PRDM2: variants seen among roughly 807,000 people sequenced by gnomAD.
The protein encoded by PRDM2 is PR domain zinc finger protein 2.
Under a neutral mutation model 130.0 loss-of-function variants are expected in PRDM2, and 30 were observed. That is an observed-to-expected ratio of 0.23 (90% CI 0.17 to 0.31). The LOEUF (loss-of-function observed/expected upper bound fraction) is 0.31, where lower values mean the gene tolerates loss of function less well. Among genes scored for constraint, PRDM2 ranks in the 10% least tolerant of loss-of-function variants. PRDM2 has a pLI of 1.00. For synonymous variants in PRDM2, 871 were observed against 782.4 expected (o/e 1.11, Z -1.89); for missense variants, 2,011 against 2,108.4 (o/e 0.95, Z 0.90).
rs78791972 is a variant in PRDM2 at position 13,753,676 on chromosome 1, T to C, written c.511+4189T>C. Among the ~76,000 whole-genome samples the C allele has an allele frequency of 2.1e-3, 323 of 152,284 alleles. 5 individuals carry two copies. In the East Asian group the frequency reaches 0.052, roughly 25 times the overall value. ...CGGATGGTATAGGCAGTAAGGACTA[T>C]TGACCCTCCCTAAGAGAAGGAAAAA... On this transcript the variant is annotated intron_variant, in intron 6 of 9. Coordinates refer to ENST00000311066, the MANE Select transcript of PRDM2 (RefSeq NM_001393986.1).
intron 4 of PRDM2, among the ~76,000 whole-genome samples, chr1:13,733,324 C>T (rs544851849): frequency 6.6e-6 from 1 of 152,304 alleles, no homozygotes; most frequent in Non-Finnish European, 1.5e-5. Flanking sequence ...GCATATGGCA[C>T]ATATATAGAG....
intron 6 of PRDM2, among the ~76,000 whole-genome samples, chr1:13,766,669 C>A (rs931875466): frequency 2.0e-5 from 3 of 152,208 alleles, no homozygotes; most frequent in African/African-American, 4.8e-5. Flanking sequence ...TGCTTTGGAA[C>A]CAACTGTGAA....
At chr1:13,744,138 A>T (rs1643533285) in intron 5 of PRDM2, among the ~76,000 whole-genome samples, 1 of 152,232 alleles carries the variant, frequency 6.6e-6, no homozygotes, top group African/African-American at 2.4e-5. Flanking sequence ...CCTTCATTGT[A>T]CTTCAAGTTA....
At chr1:13,748,073 T>C (rs2495013) in intron 5 of PRDM2, among the ~76,000 whole-genome samples, 6,809 of 152,354 alleles carry the variant, frequency 0.045, 240 homozygotes, top group African/African-American at 0.1. Context: ...GCTTCTCTTA[T>C]GGTTTCATCA....
At chr1:13,709,933 A>G (rs2100395200) in intron 1 of PRDM2, among the ~76,000 whole-genome samples, 1 of 152,346 alleles carries the variant, frequency 6.6e-6, no homozygotes, top group East Asian at 1.9e-4. Context: ...CCTCCCTGCC[A>G]GAGATCTAAA....
At chr1:13,770,504 G>A (rs1411270476) in intron 6 of PRDM2, among the ~76,000 whole-genome samples, 2 of 152,060 alleles carry the variant, frequency 1.3e-5, no homozygotes, top group African/African-American at 2.4e-5. Context: ...CACTTGGGAG[G>A]TTGTAGAAAA....
chr1:13,763,812 A>G (rs1179548219), intron 6 of PRDM2, among the ~76,000 whole-genome samples: 1 of 152,140 alleles, frequency 6.6e-6, no homozygotes, highest in Admixed American at 6.5e-5. Context: ...TACCCTTATC[A>G]ATACTCTCTC....
chr1:13,786,429 C>G, intron 8 of PRDM2: 2 of 1,527,998 alleles, frequency 1.3e-6, no homozygotes, highest in Non-Finnish European at 1.8e-6. Context: ...ATTTGTCTTA[C>G]GGTCTATTCA....
chr1:13,792,695 G>A (rs1644859257), intron 8 of PRDM2, among the ~76,000 whole-genome samples: 1 of 152,220 alleles, frequency 6.6e-6, no homozygotes. Flanking sequence ...TAGATCTGAA[G>A]GACTTTGTCC....
chr1:13,773,258 T>G, intron 7 of PRDM2, 70 bp downstream of exon 7: 1 of 903,490 alleles, frequency 1.1e-6, no homozygotes, highest in Non-Finnish European at 1.6e-6. Context: ...TTTGTATCTC[T>G]TTATATTGTC....
intron 2 of PRDM2, among the ~76,000 whole-genome samples, chr1:13,726,590 A>G (rs1030412738): frequency 1.3e-5 from 2 of 152,218 alleles, no homozygotes; most frequent in African/African-American, 2.4e-5. Context: ...AGAAGCGGGT[A>G]GTGACTTTCT....
chr1:13,820,644 C>T (rs747176086), intron 9 of PRDM2, among the ~76,000 whole-genome samples: 1 of 152,196 alleles, frequency 6.6e-6, no homozygotes, highest in Non-Finnish European at 1.5e-5. Context: ...TTCTGACATG[C>T]GCTCCCTCCT....
chr1:13,772,934 A>G, intron 6 of PRDM2, 144 bp from the exon 7 acceptor site: 2 of 509,364 alleles, frequency 3.9e-6, no homozygotes, highest in Non-Finnish European at 6.9e-6. Context: ...TTAGGAATCC[A>G]AAGTGGTAAT....
In PRDM2 at chr1:13,803,248, T is replaced by C. The variant is rs1263219610; in HGVS notation, c.5037-13179T>C. On this transcript the variant is annotated intron_variant, in intron 8 of 9. Transcript: ENST00000311066. This position sits in a 1 kb window ranked among gnomAD's most constrained non-coding sequence, Gnocchi z 6.2. ...GGGAGGATTTGGTTCTTGAGCAGCA[T>C]GGACAGGCACATTTCAGGGTTGAAC... Among the ~76,000 whole-genome samples, 12 of 152,196 alleles carry C rather than the reference T, an allele frequency of 7.9e-5. No individual in the cohort carries two copies. The highest frequency in any genetic ancestry group is 7.9e-4 in the Admixed American group (12 of 15,276).
intron 2 of PRDM2, among the ~76,000 whole-genome samples, chr1:13,724,916 G>C (rs759217548): frequency 1.3e-5 from 2 of 152,174 alleles, no homozygotes; most frequent in Admixed American, 6.5e-5. Context: ...CTCAGGAAGT[G>C]GGGGAGGTGC....
chr1:13,737,145 AC>A (rs1643298222), intron 4 of PRDM2, among the ~76,000 whole-genome samples: 2 of 152,240 alleles, frequency 1.3e-5, no homozygotes, highest in Non-Finnish European at 2.9e-5. Flanking sequence ...CTCAGAAAGT[AC>A]TTTTCAGCTC....
chr1:13,764,251 T>C (rs1250118673), intron 6 of PRDM2, among the ~76,000 whole-genome samples: 3 of 152,144 alleles, frequency 2.0e-5, no homozygotes, highest in Non-Finnish European at 4.4e-5. Context: ...GGGGGCTGAG[T>C]CCATAAGTTG....
chr1:13,773,179 T>G lies in PRDM2; in HGVS notation c.613T>G (p.Ser205Ala). ...PDFTSANMRDSAEGPKEDEEK... is the reference protein window; with the variant it reads ...PDFTSANMRDAAEGPKEDEEK... ...TTTCACCTCTGCAAATATGAGAGAT[T>G]CTGCAGAAGGTAAGCTTGTGATATT... is the stretch of plus-strand genomic sequence containing the variant. Residue 205 changes from serine to alanine, a missense_variant, in exon 7 of 10, where the codon TCT becomes GCT. By Grantham distance (99) the Ser-to-Ala change is moderately conservative. Transcript: ENST00000311066. The G allele has an allele frequency of 6.5e-7, 1 of 1,550,160 alleles. No individual in the cohort carries two copies. The highest frequency in any genetic ancestry group is 8.7e-7 in the Non-Finnish European group (1 of 1,150,068).
At chr1:13,795,100 A>G (rs1230001797) in intron 8 of PRDM2, among the ~76,000 whole-genome samples, 1 of 152,192 alleles carries the variant, frequency 6.6e-6, no homozygotes, top group Non-Finnish European at 1.5e-5. Context: ...GTAACTTTCT[A>G]TTTCTTTTGG....
Sources: gnomAD v4.1 joint callset for allele counts (sites outside exome capture counted in the v4.1 genomes callset) on GRCh38, gnomAD v4.1.1 for gene constraint, Gnocchi (gnomAD v3.1) non-coding constraint, MANE v1.5 for transcripts, NCBI Gene and HGNC (gene_info 2026-07-23, HGNC 2026-07-21) for gene names.